Variants in ARHGAP6 observed in about 807,000 individuals in gnomAD.
ARHGAP6 encodes rho GTPase-activating protein 6.
ARHGAP6 carries 16 observed loss-of-function variants against 55.7 expected under a neutral mutation model. The ratio of observed to expected loss-of-function variants is 0.29; its 90% CI spans 0.19 to 0.44. The LOEUF (loss-of-function observed/expected upper bound fraction) is 0.44, where lower values mean the gene tolerates loss of function less well. Ranked by LOEUF, ARHGAP6 falls within the 20% of genes least tolerant of loss-of-function variation. ARHGAP6 has a pLI of 1.00. For missense variants in ARHGAP6, 698 were observed against 808.9 expected (o/e 0.86, Z 1.66); for synonymous variants, 382 against 360.9 (o/e 1.06, Z -0.66).
chrX:11,655,118 T>A (rs1458855180), intron 1 of ARHGAP6, among the ~76,000 whole-genome samples: 1 of 112,187 alleles, frequency 8.9e-6, no homozygotes, highest in South Asian at 3.7e-4. Flanking sequence ...ATTCTAGACA[T>A]TTCATATAAA....
At chrX:11,462,209 GA>G (rs983871650) in intron 1 of ARHGAP6, among the ~76,000 whole-genome samples, 6 of 111,851 alleles carry the variant, frequency 5.4e-5, no homozygotes, top group Non-Finnish European at 9.4e-5. Context: ...TTCAATAAAA[GA>G]AAGTCCAACT....
At chrX:11,269,774 TTC>T (rs975347639) in intron 1 of ARHGAP6, among the ~76,000 whole-genome samples, 2 of 111,849 alleles carry the variant, frequency 1.8e-5, no homozygotes, top group African/African-American at 6.5e-5. Context: ...CCAATGTATA[TTC>T]TCTCATTGCT....
At chrX:11,639,215 C>T (rs2052447581) in intron 1 of ARHGAP6, among the ~76,000 whole-genome samples, 3 of 106,632 alleles carry the variant, frequency 2.8e-5, no homozygotes, top group African/African-American at 7.1e-5. Context: ...ACAATTATGC[C>T]TTATTTTTTT....
chrX:11,139,153 G>A lies in ARHGAP6; in HGVS notation c.2635C>T (p.Arg879Trp), dbSNP rs1320911529. ...GGGCCCGGGTATGGAGGCGGGGGCCGCTTGTCATCCCTCCCACTCCCATGG... is the reference window on the plus strand; with the variant it reads ...GGGCCCGGGTATGGAGGCGGGGGCCACTTGTCATCCCTCCCACTCCCATGG... ...RPHGSGRDDK[R>W]PPPPYPGPGK... Residue 879 changes from arginine (R) to tryptophan (W), a missense_variant, in exon 13 of 13, where the codon CGG becomes TGG. Arg to Trp is a moderately radical substitution (Grantham distance 101). Around this residue, in one of 3 missense-constraint regions of ARHGAP6, gnomAD observed 212 missense variants for 208.7 expected, o/e 1.02. Transcript: ENST00000337414. 13 of 1,205,537 alleles carry A rather than the reference G, an allele frequency of 1.1e-5. No individual in the cohort carries two copies. Among genetic ancestry groups the A allele is most frequent in the Non-Finnish European group, 1.5e-5 (13 of 893,394 alleles).
At chrX:11,595,182 C>T (rs759974268) in intron 1 of ARHGAP6, among the ~76,000 whole-genome samples, 1 of 109,212 alleles carries the variant, frequency 9.2e-6, no homozygotes, top group African/African-American at 3.3e-5. Context: ...CCCAGCAACT[C>T]GGGAGGCTGA....
rs2051813205 is a variant in ARHGAP6 at position 11,590,869 on chromosome X, G to GAAAAGAAAAGAAAAGAAAGAAGGAAA, written c.588+73371_588+73372insTTTCCTTCTTTCTTTTCTTTTCTTTT. 2.5e-4 allele frequency among the ~76,000 whole-genome samples: 6 copies of GAAAAGAAAAGAAAAGAAAGAAGGAAA among 24,218 alleles called. 2 individuals are homozygous for GAAAAGAAAAGAAAAGAAAGAAGGAAA. The highest frequency in any genetic ancestry group is 1.1e-3 in the African/African-American group (5 of 4,710). The allele number at this position is 24,218 out of a possible 115,157, so 21.0% of individuals were successfully genotyped here. A position where few individuals can be genotyped will look rare whatever the true frequency, so the allele number is the denominator to read the frequency against. On this transcript the variant is annotated intron_variant, in intron 1 of 12. Coordinates refer to ENST00000337414, the MANE Select transcript of ARHGAP6 (RefSeq NM_013427.3). ...AAGAAAAGAAAAGAAAAGAAAAGAA[G>GAAAAGAAAAGAAAAGAAAGAAGGAAA]GAAAGAAAGAAAGAAAGAAAGAAAG...
chrX:11,478,145 G>A (rs1468210582), intron 1 of ARHGAP6, among the ~76,000 whole-genome samples: 2 of 111,815 alleles, frequency 1.8e-5, no homozygotes, highest in African/African-American at 6.5e-5. Context: ...GGCAGTTAAA[G>A]TTAAATAAAC....
rs780824464 is a variant in ARHGAP6, at chrX:11,505,735, C to T, written c.588+158506G>A. 2.5e-4 allele frequency among the ~76,000 whole-genome samples: 28 copies of T among 111,459 alleles called. 1 individual carries two copies. The highest frequency in any genetic ancestry group is 4.3e-4 in the Non-Finnish European group (23 of 53,146). On this transcript the variant is annotated intron_variant, in intron 1 of 12. Transcript: ENST00000337414. ...TATGCAGACACAAAAAGAATGAGGT[C>T]ATGTCCTTTGCCGGGACATGGATGA...
At chrX:11,293,756 A>C (rs1410376771) in intron 1 of ARHGAP6, among the ~76,000 whole-genome samples, 1 of 112,261 alleles carries the variant, frequency 8.9e-6, no homozygotes, top group Non-Finnish European at 1.9e-5. Flanking sequence ...ATACATTCAC[A>C]GGCTGTGATC....
intron 2 of ARHGAP6, among the ~76,000 whole-genome samples, chrX:11,219,455 A>G (rs1773578781): frequency 1.0e-5 from 1 of 99,174 alleles, no homozygotes; most frequent in Admixed American, 1.1e-4. Flanking sequence ...TCCCTGAGGA[A>G]TCGCCACACT....
chrX:11,397,142 C>G (rs2049487088), intron 1 of ARHGAP6, among the ~76,000 whole-genome samples: 1 of 111,795 alleles, frequency 8.9e-6, no homozygotes, highest in South Asian at 3.8e-4. Flanking sequence ...AGGTCAGAAT[C>G]AGGCTGCAAA....
intron 2 of ARHGAP6, among the ~76,000 whole-genome samples, chrX:11,215,615 C>G (rs2046870847): frequency 8.8e-6 from 1 of 113,049 alleles, no homozygotes; most frequent in African/African-American, 3.2e-5. Context: ...GGAGTCACCT[C>G]TAACATCCGA....
intron 1 of ARHGAP6, among the ~76,000 whole-genome samples, chrX:11,590,862 A>AAAAGAAAAGAAAAGAAAAGAAAAGAAAAG (rs1569410930): frequency 1.5e-4 from 3 of 20,220 alleles, no homozygotes; most frequent in African/African-American, 3.6e-4. Context: ...AAAAGAAAAG[A>AAAAGAAAAGAAAAGAAAAGAAAAGAAAAG]AAAGAAGGAA....
intron 2 of ARHGAP6, among the ~76,000 whole-genome samples, chrX:11,199,299 C>T (rs1296909568): frequency 8.9e-6 from 1 of 112,072 alleles, no homozygotes; most frequent in Non-Finnish European, 1.9e-5. Context: ...CTCCCTGAGA[C>T]GGTGGTTCTT....
At chrX:11,374,332 T>C (rs2049176431) in intron 1 of ARHGAP6, among the ~76,000 whole-genome samples, 1 of 111,808 alleles carries the variant, frequency 8.9e-6, no homozygotes, top group South Asian at 3.8e-4. Context: ...GGAGATTCCA[T>C]CTTTGTGGTC....
intron 1 of ARHGAP6, among the ~76,000 whole-genome samples, chrX:11,338,166 G>A (rs1428222041): frequency 9.0e-6 from 1 of 111,319 alleles, no homozygotes. Context: ...ACCGTCAAAT[G>A]TCAACATGAG....
intron 10 of ARHGAP6, among the ~76,000 whole-genome samples, chrX:11,153,524 C>CA (rs55669123): frequency 0.26 from 4,888 of 19,032 alleles, 634 homozygotes; most frequent in Non-Finnish European, 0.33. Context: ...GACTCGATCT[C>CA]AAAAAAAAAA....
chrX:11,515,267 G>A (rs957920584), intron 1 of ARHGAP6, among the ~76,000 whole-genome samples: 2 of 112,234 alleles, frequency 1.8e-5, no homozygotes, highest in Admixed American at 1.9e-4. Flanking sequence ...TTCTTGGAAA[G>A]TAAAAGTATA....
At chrX:11,176,701 T>A (rs922300847) in intron 8 of ARHGAP6, among the ~76,000 whole-genome samples, 1 of 111,018 alleles carries the variant, frequency 9.0e-6, no homozygotes, top group African/African-American at 3.3e-5. Context: ...GCTTCTGTTA[T>A]AACTGTAGTT....
Sources: allele counts gnomAD v4.1 joint callset (sites outside exome capture counted in the v4.1 genomes callset), GRCh38; gene constraint gnomAD v4.1.1; regional missense constraint gnomAD v4.1.1; transcripts MANE v1.5; gene names NCBI Gene and HGNC (gene_info 2026-07-23, HGNC 2026-07-21).